The following MCC variants were observed in gnomAD, a reference collection of about 807,000 sequenced individuals.
MCC encodes colorectal mutant cancer protein.
Under a neutral mutation model 116.2 loss-of-function variants are expected in MCC, and 90 were observed. The observed-to-expected ratio is 0.77, with a 90% CI of 0.65 to 0.92. The LOEUF (loss-of-function observed/expected upper bound fraction) is 0.92. Ranked by LOEUF, MCC falls within the 40% of genes least tolerant of loss-of-function variation. The probability of loss-of-function intolerance (pLI) is 0.00; values close to 1 mark genes in which losing one functional copy is unlikely to be tolerated. For missense variants in MCC, 1,516 were observed against 1,312.2 expected (o/e 1.16, Z -2.40); for synonymous variants, 578 against 510.5 (o/e 1.13, Z -1.78).
intron 17 of MCC, among the ~76,000 whole-genome samples, chr5:113,038,759 C>A (rs1216496424): frequency 6.6e-6 from 1 of 152,122 alleles, no homozygotes; most frequent in African/African-American, 2.4e-5. Context: ...TGGCACACAA[C>A]CCTGTCTTCC....
chr5:113,388,977 A>C (rs1273934309), intron 1 of MCC, among the ~76,000 whole-genome samples: 3 of 152,192 alleles, frequency 2.0e-5, no homozygotes, highest in Non-Finnish European at 2.9e-5. Flanking sequence ...GGACAGCACT[A>C]ACATGAGCAG....
At position 113,043,256 on chromosome 5, in the gene MCC, G is replaced by A. The variant is rs575727480; in HGVS notation, c.2756+274C>T. On this transcript the variant is annotated intron_variant, in intron 17 of 18. Transcript: ENST00000408903. ...GTTAACACTGTCCCGGAAGTTTCTA[G>A]CCAATGCAACAACATAACAGAAAAG... Among the ~76,000 whole-genome samples the A allele has an allele frequency of 9.4e-4, 143 of 152,298 alleles. No individual in the cohort carries two copies. The Middle Eastern group carries it at 0.014, about 14-fold the overall frequency.
chr5:113,378,876 C>G (rs1248315238), intron 2 of MCC, among the ~76,000 whole-genome samples: 1 of 152,150 alleles, frequency 6.6e-6, no homozygotes, highest in Admixed American at 6.5e-5. Context: ...ATATCTAATG[C>G]TAGAATTTCT....
At chr5:113,368,487 CTT>C (rs1164810337) in intron 2 of MCC, among the ~76,000 whole-genome samples, 1 of 152,198 alleles carries the variant, frequency 6.6e-6, no homozygotes, top group Non-Finnish European at 1.5e-5. Flanking sequence ...AGCACTCTAA[CTT>C]TCTTACCTTT....
intron 3 of MCC, among the ~76,000 whole-genome samples, chr5:113,209,081 CAG>C (rs1763019058): frequency 6.6e-6 from 1 of 152,184 alleles, no homozygotes; most frequent in African/African-American, 2.4e-5. Flanking sequence ...CTCTCACAAC[CAG>C]AGTCTTAACA....
At chr5:113,040,440 C>T (rs936668575) in intron 17 of MCC, among the ~76,000 whole-genome samples, 13 of 152,112 alleles carry the variant, frequency 8.5e-5, no homozygotes, top group African/African-American at 2.2e-4. Flanking sequence ...TGGATGCCTG[C>T]GCCTACAGTT....
intron 1 of MCC, among the ~76,000 whole-genome samples, chr5:113,461,572 G>A (rs1482433138): frequency 1.3e-5 from 2 of 151,978 alleles, no homozygotes; most frequent in African/African-American, 2.4e-5. Context: ...TGGGGAGGCC[G>A]AGTTGGGAGG....
At chr5:113,364,978 G>A (rs940188173) in intron 2 of MCC, among the ~76,000 whole-genome samples, 3 of 152,196 alleles carry the variant, frequency 2.0e-5, no homozygotes, top group African/African-American at 7.2e-5. Context: ...GAGAGGGGCT[G>A]CTGTGCAGGT....
At chr5:113,351,970 AT>A (rs907702078) in intron 2 of MCC, among the ~76,000 whole-genome samples, 35 of 152,216 alleles carry the variant, frequency 2.3e-4, no homozygotes, top group African/African-American at 7.5e-4. Flanking sequence ...CAAGCTCTAT[AT>A]TAATCAGCAA....
rs1750417165 is a variant in MCC at position 113,024,824 on chromosome 5, T to C, written c.*2478A>G. 6.6e-6 allele frequency: 1 copy of C among 152,176 alleles called. No individual in the cohort carries two copies. The highest frequency in any genetic ancestry group is 2.1e-4 in the South Asian group (1 of 4,826). 9.4% of individuals were successfully genotyped at this position (152,176 alleles called of 1,614,324 possible). A position where few individuals can be genotyped will look rare whatever the true frequency, so the allele number is the denominator to read the frequency against. ...TAGTTCACCTTCAAGGATTGTGTCTTGGGGAGTATTTGAAAAATACAAGAA... is the reference window on the plus strand; with the variant it reads ...TAGTTCACCTTCAAGGATTGTGTCTCGGGGAGTATTTGAAAAATACAAGAA... On this transcript the variant is annotated 3_prime_UTR_variant, in exon 19 of 19. Transcript: ENST00000408903.
intron 1 of MCC, among the ~76,000 whole-genome samples, chr5:113,443,094 T>C (rs1411792479): frequency 6.6e-6 from 1 of 152,226 alleles, no homozygotes; most frequent in African/African-American, 2.4e-5. Context: ...TTGGGCAGTA[T>C]GGCCATTTTC....
In MCC at chr5:113,186,578, C is replaced by T. The variant is rs149727671; in HGVS notation, c.628-35156G>A. On this transcript the variant is annotated intron_variant, in intron 3 of 18. Coordinates refer to ENST00000408903, the MANE Select transcript of MCC (RefSeq NM_001085377.2). ...CTGCCTGGCACTTGAGTGTGTAAAG[C>T]CTGCCCTACAGCAGCACTTGATGTA... 1.4e-3 allele frequency among the ~76,000 whole-genome samples: 219 copies of T among 152,288 alleles called. 2 individuals are homozygous for T. The highest frequency in any genetic ancestry group is 5.2e-3 in the South Asian group (25 of 4,822).
intron 1 of MCC, among the ~76,000 whole-genome samples, chr5:113,471,474 T>C (rs972532100): frequency 6.6e-6 from 1 of 152,128 alleles, no homozygotes; most frequent in Non-Finnish European, 1.5e-5. Context: ...CAGCGGTGGC[T>C]GCAGAGCAGC....
chr5:113,262,147 T>C (rs1052952744), intron 3 of MCC, among the ~76,000 whole-genome samples: 2 of 152,094 alleles, frequency 1.3e-5, no homozygotes, highest in Non-Finnish European at 2.9e-5. Flanking sequence ...TCTCCCAAGG[T>C]TCCCCGAAAC....
intron 8 of MCC, among the ~76,000 whole-genome samples, chr5:113,094,097 C>A (rs566447149): frequency 1.3e-5 from 2 of 152,318 alleles, no homozygotes; most frequent in Admixed American, 1.3e-4. Context: ...CCGAGAACCA[C>A]ACCTCTTATT....
At chr5:113,143,833 C>T (rs1471713988) in intron 4 of MCC, among the ~76,000 whole-genome samples, 1 of 152,212 alleles carries the variant, frequency 6.6e-6, no homozygotes, top group Non-Finnish European at 1.5e-5. Flanking sequence ...TATGGCTGTT[C>T]AGTTTCCCTT....
chr5:113,416,815 T>C (rs143511937), intron 1 of MCC, among the ~76,000 whole-genome samples: 110 of 152,362 alleles, frequency 7.2e-4, no homozygotes, highest in Admixed American at 3.7e-3. Context: ...TATCTCATTT[T>C]ATTTTACATT....
chr5:113,340,797 G>A (rs1767992295), intron 2 of MCC, 67 bp from the exon 3 acceptor site: 10 of 1,320,390 alleles, frequency 7.6e-6, no homozygotes, highest in African/African-American at 1.4e-5. Flanking sequence ...TGGCCAATAG[G>A]CAATGATTTG....
intron 1 of MCC, among the ~76,000 whole-genome samples, chr5:113,477,952 TA>T (rs1356254643): frequency 6.6e-6 from 1 of 152,090 alleles, no homozygotes; most frequent in East Asian, 1.9e-4. Context: ...AATCAATCAA[TA>T]AACCCAGAAA....
Sources: gnomAD v4.1 joint callset for allele counts (sites outside exome capture counted in the v4.1 genomes callset) on GRCh38, gnomAD v4.1.1 for gene constraint, MANE v1.5 for transcripts, NCBI Gene and HGNC (gene_info 2026-07-23, HGNC 2026-07-21) for gene names.